Variants in CNTNAP2 observed in about 807,000 individuals in gnomAD.
CNTNAP2 encodes the protein contactin-associated protein-like 2.
In CNTNAP2, 98 loss-of-function variants were observed where a neutral mutation model predicts 155.2. The observed-to-expected ratio is 0.63, with a 90% CI of 0.54 to 0.75. CNTNAP2 has a LOEUF of 0.75. Among genes scored for constraint, CNTNAP2 ranks in the 30% least tolerant of loss-of-function variants. The pLI, the probability that CNTNAP2 is intolerant of heterozygous loss-of-function variation, is 0.00. For missense variants in CNTNAP2, 1,727 were observed against 1,688.1 expected (o/e 1.02, Z -0.40); for synonymous variants, 651 against 631.2 (o/e 1.03, Z -0.47).
intron 8 of CNTNAP2, among the ~76,000 whole-genome samples, chr7:147,251,186 A>G (rs1005850146): frequency 3.3e-5 from 5 of 152,212 alleles, no homozygotes; most frequent in South Asian, 2.1e-4. Flanking sequence ...GATTTCACCA[A>G]TTGGAAACTG....
At chr7:148,020,300 A>G (rs533415810) in intron 15 of CNTNAP2, among the ~76,000 whole-genome samples, 8 of 152,348 alleles carry the variant, frequency 5.3e-5, no homozygotes, top group Non-Finnish European at 1.0e-4. Flanking sequence ...TTTATCTTCT[A>G]TACTGGAAAC....
intron 13 of CNTNAP2, among the ~76,000 whole-genome samples, chr7:147,702,535 G>A (rs986999885): frequency 6.6e-6 from 1 of 151,788 alleles, no homozygotes; most frequent in African/African-American, 2.4e-5. Context: ...TCTTCTCGGT[G>A]GGAAAATTGT....
At position 146,373,405 on chromosome 7, in the gene CNTNAP2, T is replaced by C. The variant is rs1047546133; in HGVS notation, c.97+256432T>C. On this transcript the variant is annotated intron_variant, in intron 1 of 23. Coordinates refer to ENST00000361727, the MANE Select transcript of CNTNAP2 (RefSeq NM_014141.6). The stretch of plus-strand genomic sequence containing the variant: ...AGAAAAATAAAAGGAACTTAACACA[T>C]ACACACACACACACACACACACACA... 3.4e-3 allele frequency among the ~76,000 whole-genome samples: 483 copies of C among 143,628 alleles called. 4 individuals are homozygous for C. Among genetic ancestry groups the C allele is most frequent in the African/African-American group, 0.011 (453 of 40,244 alleles). 94.2% of individuals were successfully genotyped at this position (143,628 alleles called of 152,430 possible).
chr7:147,829,197 T>C (rs917408165), intron 13 of CNTNAP2, among the ~76,000 whole-genome samples: 1 of 152,150 alleles, frequency 6.6e-6, no homozygotes, highest in Non-Finnish European at 1.5e-5. Flanking sequence ...GATATGAAAT[T>C]GGATCAGCTG....
intron 13 of CNTNAP2, among the ~76,000 whole-genome samples, chr7:147,732,807 A>ATGTG (rs1796766771): frequency 6.6e-6 from 1 of 151,500 alleles, no homozygotes; most frequent in East Asian, 2.0e-4. Context: ...GCATTTTTTC[A>ATGTG]TCATCTTGGC....
intron 13 of CNTNAP2, among the ~76,000 whole-genome samples, chr7:147,826,618 T>A (rs541225122): frequency 2.0e-5 from 3 of 152,278 alleles, no homozygotes; most frequent in South Asian, 4.1e-4. Context: ...ATACCCCAGG[T>A]TTTTTCTAAT....
chr7:148,405,173 G>T (rs1799670105), intron 22 of CNTNAP2, among the ~76,000 whole-genome samples: 1 of 152,160 alleles, frequency 6.6e-6, no homozygotes, highest in South Asian at 2.1e-4. Flanking sequence ...CCTATACCTA[G>T]AATGTTGAGT....
At chr7:148,086,190 T>C (rs1042672223) in intron 15 of CNTNAP2, among the ~76,000 whole-genome samples, 5 of 152,236 alleles carry the variant, frequency 3.3e-5, no homozygotes, top group Non-Finnish European at 7.3e-5. Flanking sequence ...TAATTGATAG[T>C]TATGATAATT....
chr7:146,993,846 A>C (rs1462364872), intron 3 of CNTNAP2, among the ~76,000 whole-genome samples: 1 of 152,116 alleles, frequency 6.6e-6, no homozygotes, highest in Non-Finnish European at 1.5e-5. Flanking sequence ...CAAATTAGTT[A>C]TTCTAGATGA....
At chr7:146,526,706 C>T (rs1360718958) in intron 1 of CNTNAP2, among the ~76,000 whole-genome samples, 2 of 152,100 alleles carry the variant, frequency 1.3e-5, no homozygotes, top group Non-Finnish European at 2.9e-5. Flanking sequence ...TCGTTCATTC[C>T]AATTGTTTGA....
At chr7:146,894,562 G>C (rs181568785) in intron 3 of CNTNAP2, among the ~76,000 whole-genome samples, 1 of 151,840 alleles carries the variant, frequency 6.6e-6, no homozygotes, top group Non-Finnish European at 1.5e-5. Flanking sequence ...CCTGTGGTTC[G>C]CCATGAAAAA....
At chr7:146,784,664 T>G (rs1802543863) in intron 2 of CNTNAP2, among the ~76,000 whole-genome samples, 1 of 152,202 alleles carries the variant, frequency 6.6e-6, no homozygotes, top group Non-Finnish European at 1.5e-5. Flanking sequence ...CACTCACTTC[T>G]ATAATGAGAA....
At chr7:146,171,285 A>G (rs1228641246) in intron 1 of CNTNAP2, among the ~76,000 whole-genome samples, 1 of 152,178 alleles carries the variant, frequency 6.6e-6, no homozygotes, top group Admixed American at 6.5e-5. Context: ...ATTTTATAGT[A>G]TAGTTAGGTA....
At chr7:146,683,120 G>T (rs909312591) in intron 1 of CNTNAP2, among the ~76,000 whole-genome samples, 1 of 152,056 alleles carries the variant, frequency 6.6e-6, no homozygotes, top group Non-Finnish European at 1.5e-5. Context: ...TGCAACCCCC[G>T]CCTCCCAGGT....
At chr7:146,414,084 A>G (rs12667234) in intron 1 of CNTNAP2, among the ~76,000 whole-genome samples, 42,298 of 152,140 alleles carry the variant, frequency 0.28, 6,074 homozygotes, top group Admixed American at 0.41. Flanking sequence ...ATGTTTCTAT[A>G]AACAGCCAGG....
At chr7:147,648,708 T>G (rs1795405951) in intron 13 of CNTNAP2, among the ~76,000 whole-genome samples, 1 of 152,118 alleles carries the variant, frequency 6.6e-6, no homozygotes, top group African/African-American at 2.4e-5. Context: ...CCTGCCCCCG[T>G]GATTCAATTA....
At chr7:146,428,249 G>A (rs1796121221) in intron 1 of CNTNAP2, among the ~76,000 whole-genome samples, 1 of 151,980 alleles carries the variant, frequency 6.6e-6, no homozygotes, top group Admixed American at 6.6e-5. Context: ...ATATTCCTTT[G>A]CATATATACC....
chr7:147,716,815 A>G (rs970713211), intron 13 of CNTNAP2, among the ~76,000 whole-genome samples: 9 of 152,252 alleles, frequency 5.9e-5, no homozygotes, highest in South Asian at 2.1e-4. Context: ...TTCTTTCTAC[A>G]TTCTGTATCA....
chr7:147,223,445 C>T (rs1214234852), intron 8 of CNTNAP2, among the ~76,000 whole-genome samples: 1 of 152,168 alleles, frequency 6.6e-6, no homozygotes, highest in Non-Finnish European at 1.5e-5. Flanking sequence ...GGAATCTCAT[C>T]TGCATGCAAC....
Sources: allele counts gnomAD v4.1 joint callset (sites outside exome capture counted in the v4.1 genomes callset), GRCh38; gene constraint gnomAD v4.1.1; transcripts MANE v1.5; gene names NCBI Gene and HGNC (gene_info 2026-07-23, HGNC 2026-07-21).